Variants in OTUD7A observed in about 807,000 individuals in gnomAD.
OTUD7A encodes the protein OTU domain-containing protein 7A.
OTUD7A carries 12 observed loss-of-function variants against 65.7 expected under a neutral mutation model. The ratio of observed to expected loss-of-function variants is 0.18; its 90% CI spans 0.12 to 0.30. The LOEUF is 0.30. Among genes scored for constraint, OTUD7A ranks in the 10% least tolerant of loss-of-function variants. OTUD7A has a pLI of 1.00. For missense variants in OTUD7A, 1,148 were observed against 1,304.8 expected (o/e 0.88, Z 1.85); for synonymous variants, 641 against 586.3 (o/e 1.09, Z -1.35).
rs1222429322 is a variant in OTUD7A, at chr15:31,481,639, A to T, written c.*1655T>A. Reference sequence around the variant, plus strand: ...GCAAAACTTGAACAAATTACTGAAAACTCCACCTGCTGTGGAATAATTAAA... The same window carrying T: ...GCAAAACTTGAACAAATTACTGAAATCTCCACCTGCTGTGGAATAATTAAA... On this transcript the variant is annotated 3_prime_UTR_variant, in exon 13 of 13. Coordinates refer to ENST00000307050, the MANE Select transcript of OTUD7A (RefSeq NM_001382637.1). The T allele has an allele frequency of 6.6e-6, 1 of 152,176 alleles. No individual in the cohort carries two copies. The highest frequency in any genetic ancestry group is 2.4e-5 in the African/African-American group (1 of 41,398). 9.4% of individuals were successfully genotyped at this position (152,176 alleles called of 1,614,324 possible).
intron 1 of OTUD7A, among the ~76,000 whole-genome samples, chr15:31,854,417 T>G (rs1158726683): frequency 1.3e-5 from 2 of 152,236 alleles, no homozygotes; most frequent in Non-Finnish European, 2.9e-5. Flanking sequence ...CAGGAACATC[T>G]CTGGGGGGTC....
chr15:31,516,400 G>A (rs1056895292), intron 8 of OTUD7A, among the ~76,000 whole-genome samples: 1 of 152,194 alleles, frequency 6.6e-6, no homozygotes, highest in Non-Finnish European at 1.5e-5. Flanking sequence ...GACCCAGGGG[G>A]TGGCGGAGAG....
chr15:31,549,779 C>T (rs1410354972), intron 5 of OTUD7A, among the ~76,000 whole-genome samples: 1 of 152,178 alleles, frequency 6.6e-6, no homozygotes, highest in Non-Finnish European at 1.5e-5. Flanking sequence ...CAACCCAAAG[C>T]AGTAAACAAC....
chr15:31,641,111 C>A (rs769706562), intron 3 of OTUD7A, among the ~76,000 whole-genome samples: 2 of 152,114 alleles, frequency 1.3e-5, no homozygotes, highest in Non-Finnish European at 2.9e-5. Context: ...ATCATGGGGG[C>A]AGTTTCCCCC....
intron 1 of OTUD7A, among the ~76,000 whole-genome samples, chr15:31,722,860 C>T (rs1437129617): frequency 1.3e-5 from 2 of 152,244 alleles, no homozygotes; most frequent in East Asian, 1.9e-4. Context: ...GGATTTCCAA[C>T]TGGCTGTCAA....
chr15:31,588,818 G>A lies in OTUD7A; in HGVS notation c.152-18621C>T, dbSNP rs116248235. On this transcript the variant is annotated intron_variant, in intron 3 of 12. Coordinates refer to ENST00000307050, the MANE Select transcript of OTUD7A (RefSeq NM_001382637.1). ...GGGACAGGGGAAGTCCCTCACAGCC[G>A]AGACTGCTTTTCCAGGGACTATGGC... 3.5e-3 allele frequency among the ~76,000 whole-genome samples: 532 copies of A among 152,330 alleles called. 3 individuals carry two copies. Among genetic ancestry groups the A allele is most frequent in the African/African-American group, 0.012 (515 of 41,576 alleles).
intron 1 of OTUD7A, among the ~76,000 whole-genome samples, chr15:31,725,233 T>C (rs1474685991): frequency 6.6e-6 from 1 of 152,202 alleles, no homozygotes; most frequent in Non-Finnish European, 1.5e-5. Context: ...GCTGGGAAAC[T>C]GAACGACCAA....
chr15:31,604,066 C>T (rs1200933504), intron 3 of OTUD7A, among the ~76,000 whole-genome samples: 2 of 152,138 alleles, frequency 1.3e-5, no homozygotes, highest in African/African-American at 4.8e-5. Flanking sequence ...ACTAGAAATA[C>T]CATTTGACCC....
Position 31,860,677 on chromosome 15 carries a change from G to GTGTGTGTATATATATATA in OTUD7A, c.-100+9829_-100+9830insTATATATATATACACACA, listed in dbSNP as rs560896384. On this transcript the variant is annotated intron_variant, in intron 1 of 12. Coordinates refer to ENST00000307050, the MANE Select transcript of OTUD7A (RefSeq NM_001382637.1). ...TGTGTGTATATATAGATGTATGTGT[G>GTGTGTGTATATATATATA]TATATATATATATATATATATATGT... is the stretch of plus-strand genomic sequence containing the variant. 1.4e-4 allele frequency among the ~76,000 whole-genome samples: 10 copies of GTGTGTGTATATATATATA among 73,284 alleles called. 1 individual carries two copies. The highest frequency in any genetic ancestry group is 3.7e-4 in the Admixed American group (2 of 5,352). The allele number at this position is 73,284 out of a possible 152,430, so 48.1% of individuals were successfully genotyped here.
chr15:31,587,321 G>A (rs1234220152), intron 3 of OTUD7A, among the ~76,000 whole-genome samples: 3 of 152,046 alleles, frequency 2.0e-5, no homozygotes, highest in African/African-American at 7.2e-5. Context: ...TTCTCCACAG[G>A]ACAGCCAGAG....
chr15:31,848,175 T>C (rs973187933), intron 1 of OTUD7A, among the ~76,000 whole-genome samples: 3 of 152,164 alleles, frequency 2.0e-5, no homozygotes, highest in African/African-American at 7.2e-5. Context: ...CCTCACTGCC[T>C]GCAGGTGCTG....
chr15:31,583,712 TTC>T (rs1282521255), intron 3 of OTUD7A, among the ~76,000 whole-genome samples: 1 of 152,034 alleles, frequency 6.6e-6, no homozygotes, highest in Non-Finnish European at 1.5e-5. Flanking sequence ...TCCATTAAAC[TTC>T]TTTTTCTTTA....
chr15:31,860,689 A>ATATATATATATATATG (rs1897712286), intron 1 of OTUD7A, among the ~76,000 whole-genome samples: 5 of 125,768 alleles, frequency 4.0e-5, no homozygotes, highest in Non-Finnish European at 8.4e-5. Flanking sequence ...ATATATATAT[A>ATATATATATATATATG]TATATATATA....
intron 1 of OTUD7A, among the ~76,000 whole-genome samples, chr15:31,716,423 T>C (rs1261787105): frequency 9.1e-6 from 1 of 109,844 alleles, no homozygotes; most frequent in African/African-American, 2.7e-5. Flanking sequence ...GGAGATCATC[T>C]TGTTGAGATA....
chr15:31,569,020 AG>A (rs1888964367), intron 4 of OTUD7A, among the ~76,000 whole-genome samples: 1 of 152,366 alleles, frequency 6.6e-6, no homozygotes, highest in East Asian at 1.9e-4. Context: ...TCTTTACAGC[AG>A]TGAAAGAATG....
chr15:31,858,595 G>C (rs1477681194), intron 1 of OTUD7A, among the ~76,000 whole-genome samples: 1 of 152,194 alleles, frequency 6.6e-6, no homozygotes, highest in Non-Finnish European at 1.5e-5. Flanking sequence ...GATGTACAAT[G>C]CTATACAGAT....
chr15:31,809,937 T>C, intron 1 of OTUD7A, among the ~76,000 whole-genome samples: 1 of 152,216 alleles, frequency 6.6e-6, no homozygotes, highest in East Asian at 1.9e-4. Flanking sequence ...TGTATCTAAT[T>C]AGACCCAGTA....
chr15:31,509,872 T>G (rs889004978), intron 8 of OTUD7A, among the ~76,000 whole-genome samples: 7 of 151,922 alleles, frequency 4.6e-5, no homozygotes, highest in Non-Finnish European at 8.8e-5. Flanking sequence ...TACCGTGTCT[T>G]TCTTTGATTT....
At chr15:31,592,430 G>T (rs1889754689) in intron 3 of OTUD7A, among the ~76,000 whole-genome samples, 1 of 151,782 alleles carries the variant, frequency 6.6e-6, no homozygotes, top group African/African-American at 2.4e-5. Flanking sequence ...ACAGGGTCAG[G>T]ATCATCCGTA....
Sources: gnomAD v4.1 joint callset for allele counts (sites outside exome capture counted in the v4.1 genomes callset) on GRCh38, gnomAD v4.1.1 for gene constraint, MANE v1.5 for transcripts, NCBI Gene and HGNC (gene_info 2026-07-23, HGNC 2026-07-21) for gene names.